Variants in DISC1 observed in about 807,000 individuals in gnomAD.
DISC1 encodes DISC1 scaffold protein.
A neutral mutation model predicts 84.5 loss-of-function variants in DISC1; 57 were observed. The observed-to-expected ratio is 0.67, with a 90% confidence interval of 0.55 to 0.84. DISC1 has a LOEUF of 0.84. Ranked by LOEUF, DISC1 falls within the 40% of genes least tolerant of loss-of-function variation. The pLI is 0.00. For synonymous variants in DISC1, 411 were observed against 415.2 expected (o/e 0.99, Z 0.12); for missense variants, 1,000 against 1,057.8 (o/e 0.95, Z 0.76).
intron 9 of DISC1, among the ~76,000 whole-genome samples, chr1:231,916,878 T>A (rs1037470205): frequency 6.6e-6 from 1 of 152,150 alleles, no homozygotes; most frequent in African/African-American, 2.4e-5. Flanking sequence ...CAGGTAAGTT[T>A]CTGTGCACCT....
intron 9 of DISC1, among the ~76,000 whole-genome samples, chr1:231,872,883 T>A (rs188150787): frequency 6.6e-6 from 1 of 152,362 alleles, no homozygotes; most frequent in African/African-American, 2.4e-5. Flanking sequence ...AGATAAGCAA[T>A]TATTTAAGAA....
chr1:231,851,597 G>A (rs555322851), intron 9 of DISC1, among the ~76,000 whole-genome samples: 4 of 152,306 alleles, frequency 2.6e-5, no homozygotes, highest in Admixed American at 6.5e-5. Context: ...CCCAGCACAG[G>A]TGTCCCCATT....
chr1:231,733,272 G>A (rs1392941165), intron 3 of DISC1, among the ~76,000 whole-genome samples: 1 of 151,472 alleles, frequency 6.6e-6, no homozygotes, highest in Non-Finnish European at 1.5e-5. Context: ...GGTGGTAATG[G>A]TAGGAGTGTT....
chr1:231,640,777 C>T (rs2059576941), intron 1 of DISC1, among the ~76,000 whole-genome samples: 1 of 152,154 alleles, frequency 6.6e-6, no homozygotes, highest in Non-Finnish European at 1.5e-5. Context: ...CTCAAGAAAA[C>T]CTCCTGCCTC....
chr1:231,797,060 G>A (rs1359190064), intron 7 of DISC1, among the ~76,000 whole-genome samples: 1 of 152,120 alleles, frequency 6.6e-6, no homozygotes, highest in Non-Finnish European at 1.5e-5. Context: ...TGATTTCTAT[G>A]TAGAATTAAA....
intron 4 of DISC1, among the ~76,000 whole-genome samples, chr1:231,759,526 CAAAAAAAAAAAA>C (rs767431903): frequency 2.1e-5 from 1 of 48,298 alleles, no homozygotes; most frequent in Non-Finnish European, 3.4e-5. Context: ...CCCATCTCTA[CAAAAAAAAAAAA>C]AAAAAAAAAA....
rs759522635 is a variant in DISC1, at chr1:232,036,848, G to A, written c.*17G>A. 10 of 1,534,112 alleles carry A rather than the reference G, an allele frequency of 6.5e-6. No homozygotes were observed. The highest frequency in any genetic ancestry group is 8.9e-6 in the Non-Finnish European group (10 of 1,127,110). The stretch of plus-strand genomic sequence containing the variant: ...CAAGCCTGAGGAGTGACGGGATGGG[G>A]GAGGGAGGTGGGCCACCATGTTTGG... On this transcript the variant is annotated 3_prime_UTR_variant, in exon 13 of 13. Coordinates refer to ENST00000439617, the MANE Select transcript of DISC1 (RefSeq NM_018662.3).
chr1:231,757,257 T>C (rs536230673), intron 4 of DISC1, among the ~76,000 whole-genome samples: 45 of 152,302 alleles, frequency 3.0e-4, no homozygotes, highest in African/African-American at 1.0e-3. Flanking sequence ...CATGTACATA[T>C]ATGAAAACTA....
chr1:231,921,806 AC>A (rs1159050974), intron 9 of DISC1, among the ~76,000 whole-genome samples: 1 of 117,792 alleles, frequency 8.5e-6, no homozygotes, highest in Non-Finnish European at 1.7e-5. Context: ...CTCACTAGTT[AC>A]CTTTTTTTTT....
intron 4 of DISC1, among the ~76,000 whole-genome samples, chr1:231,758,024 C>T (rs940444424): frequency 3.3e-5 from 5 of 151,950 alleles, no homozygotes; most frequent in African/African-American, 1.2e-4. Context: ...AATGCCCCAG[C>T]CTACCCAGCC....
intron 4 of DISC1, among the ~76,000 whole-genome samples, chr1:231,754,480 G>T (rs1205421450): frequency 6.6e-6 from 1 of 152,126 alleles, no homozygotes; most frequent in Non-Finnish European, 1.5e-5. Flanking sequence ...TCCAGACCTT[G>T]TGAGAACTCT....
intron 9 of DISC1, among the ~76,000 whole-genome samples, chr1:231,820,529 G>A (rs561362658): frequency 6.6e-6 from 1 of 152,296 alleles, no homozygotes; most frequent in Admixed American, 6.5e-5. Context: ...TCCAACAATA[G>A]TTGTGGAATG....
chr1:231,906,681 C>T (rs923823891), intron 9 of DISC1, among the ~76,000 whole-genome samples: 5 of 152,070 alleles, frequency 3.3e-5, no homozygotes, highest in Admixed American at 6.5e-5. Context: ...TCTCTAAAGC[C>T]GTTCAGGTTA....
chr1:231,779,456 T>C (rs2077208585), intron 6 of DISC1, among the ~76,000 whole-genome samples: 1 of 152,108 alleles, frequency 6.6e-6, no homozygotes, highest in African/African-American at 2.4e-5. Flanking sequence ...ACATGTATGC[T>C]TATTCAGTAT....
At chr1:231,788,632 C>CA (rs2078072156) in intron 6 of DISC1, among the ~76,000 whole-genome samples, 1 of 152,188 alleles carries the variant, frequency 6.6e-6, no homozygotes. Context: ...AACCCTCTAA[C>CA]AGAGATAAAC....
rs566095310 is a variant in DISC1, at chr1:231,694,879, C to T, written c.1047+74C>T. ...TTAGCACTGGGCAGACGGCAGGAAA[C>T]GAGGGGTTCTGGGCTCAACTGACTT... On this transcript the variant is annotated intron_variant, in intron 2 of 12. Coordinates refer to ENST00000439617, the MANE Select transcript of DISC1 (RefSeq NM_018662.3). The T allele has an allele frequency of 1.5e-4, 234 of 1,571,814 alleles. 2 individuals carry two copies. In the African/African-American group the frequency reaches 2.2e-3, roughly 15 times the overall value.
At chr1:231,662,318 T>C (rs944611772) in intron 1 of DISC1, among the ~76,000 whole-genome samples, 10 of 152,224 alleles carry the variant, frequency 6.6e-5, no homozygotes, top group Non-Finnish European at 1.2e-4. Flanking sequence ...TCTGGACTGT[T>C]TGCATTCTCC....
rs1283608926 is a variant in DISC1, at chr1:231,954,328, T to C, written c.1982-4500T>C. 4.6e-5 allele frequency among the ~76,000 whole-genome samples: 7 copies of C among 152,252 alleles called. No individual in the cohort carries two copies. The highest frequency in any genetic ancestry group is 1.3e-4 in the Admixed American group (2 of 15,282). On this transcript the variant is annotated intron_variant, in intron 9 of 12. Coordinates refer to ENST00000439617, the MANE Select transcript of DISC1 (RefSeq NM_018662.3). The surrounding 1 kb of genome is among the most constrained non-coding windows in gnomAD (Gnocchi z 4.8). Reference sequence around the variant, plus strand: ...TGAAGGAGGACCCAGATTGAACTCCTGTAGCATGATGTGTGTTTCATGCAC... The same window carrying C: ...TGAAGGAGGACCCAGATTGAACTCCCGTAGCATGATGTGTGTTTCATGCAC...
intron 11 of DISC1, among the ~76,000 whole-genome samples, chr1:232,020,321 A>G (rs2103026922): frequency 6.6e-6 from 1 of 152,316 alleles, no homozygotes; most frequent in South Asian, 2.1e-4. Flanking sequence ...CAGCCTGGGC[A>G]ACAAGAGTGA....
Sources: allele counts gnomAD v4.1 joint callset (sites outside exome capture counted in the v4.1 genomes callset), GRCh38; gene constraint gnomAD v4.1.1; non-coding constraint Gnocchi (gnomAD v3.1); transcripts MANE v1.5; gene names NCBI Gene and HGNC (gene_info 2026-07-23, HGNC 2026-07-21).